Variants in RPS27 observed in about 807,000 individuals in gnomAD.
RPS27 encodes the protein ribosomal protein S27, also known as small ribosomal subunit protein eS27.
RPS27 carries 1 observed loss-of-function variant against 11.8 expected under a neutral mutation model. That is an observed-to-expected ratio of 0.08 (90% CI 0.03 to 0.40). The LOEUF is 0.40. Among genes scored for constraint, RPS27 ranks in the 10% least tolerant of loss-of-function variants. The pLI is 0.98. For missense variants in RPS27, 44 were observed against 100.1 expected (o/e 0.44, Z 2.39); for synonymous variants, 42 against 33.8 (o/e 1.24, Z -0.84).
chr1:153,991,353 T>C (rs1649390990), intron 2 of RPS27, 130 bp downstream of exon 2: 1 of 1,512,498 alleles, frequency 6.6e-7, no homozygotes, highest in Admixed American at 2.4e-5. Flanking sequence ...GAAAATATTT[T>C]CCCTGATACT....
intron 2 of RPS27, 89 bp downstream of exon 2, chr1:153,991,312 C>T (rs1386707884): frequency 2.6e-6 from 4 of 1,547,152 alleles, no homozygotes; most frequent in East Asian, 2.4e-5. Context: ...ATCCTTGAAG[C>T]TGTGCAGCAG....
At chr1:153,991,934 C>T (rs575235151) in intron 3 of RPS27, 131 bp from the exon 4 acceptor site, 42 of 852,928 alleles carry the variant, frequency 4.9e-5, no homozygotes, top group Middle Eastern at 4.5e-4. Flanking sequence ...GATACAAATG[C>T]GCAGGTAGCT....
rs769272392 is a variant in RPS27, at chr1:153,992,058, C to T, written c.227-7C>T. 5.0e-6 allele frequency: 8 copies of T among 1,613,128 alleles called. No homozygotes were observed. Among genetic ancestry groups the T allele is most frequent in the Admixed American group, 1.7e-5 (1 of 59,946 alleles). ...TGACAGCTAATCTCTGAATCTTTTT[C>T]CTCCAGGATGTTCCTTCAGGAGGAA... On this transcript the variant is annotated splice_region_variant and splice_polypyrimidine_tract_variant and intron_variant, in intron 3 of 3. Transcript: ENST00000651669.
At chr1:153,991,268 C>A in intron 2 of RPS27, 45 bp downstream of exon 2, 3 of 1,567,284 alleles carry the variant, frequency 1.9e-6, no homozygotes, top group Non-Finnish European at 2.6e-6. Context: ...TGGACCTCAA[C>A]AGTTGGAAAA....
chr1:153,992,129 C>G lies in RPS27; in HGVS notation c.*36C>G, dbSNP rs528913644. The stretch of plus-strand genomic sequence containing the variant: ...AGTCAAGATGAGTGGGAAACCATCT[C>G]AATAAACACATTTTGGATAAATCCT... On this transcript the variant is annotated 3_prime_UTR_variant, in exon 4 of 4. Coordinates refer to ENST00000651669, the MANE Select transcript of RPS27 (RefSeq NM_001030.6). 1.3e-6 allele frequency: 2 copies of G among 1,548,632 alleles called. No homozygotes were observed. The highest frequency in any genetic ancestry group is 1.7e-5 in the Admixed American group (1 of 59,696).
intron 2 of RPS27, 119 bp downstream of exon 2, chr1:153,991,342 G>A: frequency 2.0e-6 from 3 of 1,517,776 alleles, no homozygotes; most frequent in Non-Finnish European, 2.6e-6. Flanking sequence ...CTTCGCCTGT[G>A]GAAAATATTT....
In RPS27 at chr1:153,990,762, C is replaced by T. The variant is rs763520169; in HGVS notation, c.-35C>T. Reference sequence around the variant, plus strand: ...AAGGGGCAGGATTTCCGCTTTCGCTCCTTTCCGGCGGTGACGACCTACGCA... The same window carrying T: ...AAGGGGCAGGATTTCCGCTTTCGCTTCTTTCCGGCGGTGACGACCTACGCA... On this transcript the variant is annotated 5_prime_UTR_variant, in exon 1 of 4. Transcript: ENST00000651669. 4.1e-5 allele frequency: 66 copies of T among 1,614,072 alleles called. No homozygotes were observed. Among genetic ancestry groups the T allele is most frequent in the Admixed American group, 1.2e-4 (7 of 59,998 alleles).
At chr1:153,990,904 C>T in intron 1 of RPS27, 102 bp downstream of exon 1, 1 of 1,511,336 alleles carries the variant, frequency 6.6e-7, no homozygotes, top group Non-Finnish European at 9.2e-7. Flanking sequence ...TTACCCTCTG[C>T]ACTTCTTAGG....
intron 2 of RPS27, 76 bp downstream of exon 2, chr1:153,991,299 C>T: frequency 1.3e-6 from 2 of 1,553,418 alleles, no homozygotes; most frequent in Non-Finnish European, 1.7e-6. Context: ...TTAGCTGTCT[C>T]GTATCCTTGA....
At chr1:153,991,731 A>T (rs773569600) in intron 3 of RPS27, 55 bp downstream of exon 3, 12 of 1,169,796 alleles carry the variant, frequency 1.0e-5, no homozygotes, top group Admixed American at 1.9e-5. Flanking sequence ...TAGAAATGGA[A>T]ACATTTCTTA....
At chr1:153,990,937 C>T in intron 1 of RPS27, 135 bp downstream of exon 1, 2 of 1,374,938 alleles carry the variant, frequency 1.5e-6, no homozygotes, top group Non-Finnish European at 2.1e-6. Context: ...GGGACCGCAG[C>T]GGCCCACGGG....
In RPS27 at chr1:153,991,795, C is replaced by G. The variant is rs980078413; in HGVS notation, c.226+119C>G. 5 of 717,636 alleles carry G rather than the reference C, an allele frequency of 7.0e-6. No individual in the cohort carries two copies. The East Asian group carries it at 1.3e-4, about 19-fold the overall frequency. The allele number at this position is 717,636 out of a possible 1,614,324, so 44.5% of individuals were successfully genotyped here. A position where few individuals can be genotyped will look rare whatever the true frequency, so the allele number is the denominator to read the frequency against. ...ATCATCTATAATGTAAATTTTTAGA[C>G]AAGAAGTGTTGGATTTGGTTGTTTT... is the stretch of plus-strand genomic sequence containing the variant. On this transcript the variant is annotated intron_variant, in intron 3 of 3. Coordinates refer to ENST00000651669, the MANE Select transcript of RPS27 (RefSeq NM_001030.6).
intron 2 of RPS27, 106 bp from the exon 3 acceptor site, chr1:153,991,460 T>A: frequency 7.4e-7 from 1 of 1,356,446 alleles, no homozygotes; most frequent in Non-Finnish European, 1.0e-6. Flanking sequence ...ATACAACCCC[T>A]ACGTTTTTTT....
At chr1:153,991,317 C>A in intron 2 of RPS27, 94 bp downstream of exon 2, 1 of 1,534,488 alleles carries the variant, frequency 6.5e-7, no homozygotes. Flanking sequence ...TGAAGCTGTG[C>A]AGCAGCTTCA....
At chr1:153,991,471 G>C (rs1388304727) in intron 2 of RPS27, 95 bp from the exon 3 acceptor site, 1 of 1,358,288 alleles carries the variant, frequency 7.4e-7, no homozygotes, top group Non-Finnish European at 1.0e-6. Flanking sequence ...ACGTTTTTTT[G>C]TGTTGGGAAA....
intron 3 of RPS27, 53 bp from the exon 4 acceptor site, chr1:153,992,012 T>C: frequency 6.4e-7 from 1 of 1,555,864 alleles, no homozygotes; most frequent in Non-Finnish European, 8.9e-7. Context: ...TTGGGAGAGG[T>C]GGGCAGAATA....
Position 153,991,101 on chromosome 1 carries a change from T to G in RPS27, c.7-14T>G, listed in dbSNP as rs778248281. On this transcript the variant is annotated splice_polypyrimidine_tract_variant and intron_variant, in intron 1 of 3. Transcript: ENST00000651669. ...CTGTTGGTTTCTAAATCTCTGCATT[T>G]CTGTCCCTCTTAGCTCGCAAAGGAT... 6.4e-7 allele frequency: 1 copy of G among 1,552,148 alleles called. No individual in the cohort carries two copies. Among genetic ancestry groups the G allele is most frequent in the South Asian group, 1.2e-5 (1 of 86,248 alleles).
chr1:153,990,932 C>A, intron 1 of RPS27, 130 bp downstream of exon 1: 3 of 1,396,844 alleles, frequency 2.1e-6, no homozygotes, highest in Non-Finnish European at 2.0e-6. Context: ...CTCCAGGGAC[C>A]GCAGCGGCCC....
chr1:153,990,874 G>A (rs1463075596), intron 1 of RPS27, 72 bp downstream of exon 1: 1 of 1,594,584 alleles, frequency 6.3e-7, no homozygotes. Flanking sequence ...CGCTGATTTC[G>A]GATCGTAGAG....
Sources: allele counts gnomAD v4.1 joint callset, GRCh38; gene constraint gnomAD v4.1.1; transcripts MANE v1.5; gene names NCBI Gene and HGNC (gene_info 2026-07-23, HGNC 2026-07-21).